KDM4C: variants seen among roughly 807,000 people sequenced by gnomAD.
KDM4C encodes lysine demethylase 4C.
KDM4C carries 81 observed loss-of-function variants against 129.3 expected under a neutral mutation model. The ratio of observed to expected loss-of-function variants is 0.63; its 90% CI spans 0.52 to 0.75. The LOEUF (loss-of-function observed/expected upper bound fraction) is 0.75. Among genes scored for constraint, KDM4C ranks in the 30% least tolerant of loss-of-function variants. KDM4C has a pLI of 0.00. For synonymous variants in KDM4C, 573 were observed against 456.1 expected, an observed-to-expected ratio of 1.26 and a Z score of -3.26; for missense variants, 1,457 against 1,304.0, an observed-to-expected ratio of 1.12 and a Z score of -1.81.
chr9:7,088,574 A>G (rs980217022), intron 17 of KDM4C, among the ~76,000 whole-genome samples: 1 of 152,158 alleles, frequency 6.6e-6, no homozygotes, highest in Non-Finnish European at 1.5e-5. Flanking sequence ...CCTTCAACAT[A>G]TGAGGGGTGG....
intron 8 of KDM4C, among the ~76,000 whole-genome samples, chr9:6,955,949 C>A (rs1828989617): frequency 6.6e-6 from 1 of 152,204 alleles, no homozygotes; most frequent in Non-Finnish European, 1.5e-5. Flanking sequence ...TACAACAGAA[C>A]TGTGCCACCT....
chr9:6,803,626 A>C (rs1176288752), intron 2 of KDM4C, among the ~76,000 whole-genome samples: 1 of 151,682 alleles, frequency 6.6e-6, no homozygotes, highest in Admixed American at 6.6e-5. Context: ...AAAGGTGGTA[A>C]AGTGGCCAGG....
intron 2 of KDM4C, among the ~76,000 whole-genome samples, chr9:6,803,807 T>C (rs1214512032): frequency 6.6e-6 from 1 of 151,310 alleles, no homozygotes; most frequent in Non-Finnish European, 1.5e-5. Context: ...CTTCATGACG[T>C]TGTACGTTCT....
intron 8 of KDM4C, among the ~76,000 whole-genome samples, chr9:6,911,220 GATGAGGGAAAAAAACCTCCA>G (rs1195291840): frequency 1.3e-5 from 2 of 152,034 alleles, no homozygotes; most frequent in African/African-American, 4.8e-5. Context: ...TCACTTAGAG[GATGAGGGAAAAAAACCTCCA>G]ACTTTTAATA....
chr9:6,752,718 T>G (rs148278315), upstream of KDM4C, among the ~76,000 whole-genome samples: 74 of 152,316 alleles, frequency 4.9e-4, 1 homozygote, highest in East Asian at 0.011. Flanking sequence ...CCAGGGATTG[T>G]TAAAGCAACT....
intron 3 of KDM4C, among the ~76,000 whole-genome samples, chr9:6,811,053 A>G (rs962887664): frequency 5.3e-5 from 8 of 152,214 alleles, no homozygotes; most frequent in South Asian, 2.1e-4. Flanking sequence ...TCAAGAACCA[A>G]TGCTCTTACT....
At chr9:6,750,387 C>T (rs983980174) in intron 1 of KDM4C, among the ~76,000 whole-genome samples, 36 of 150,536 alleles carry the variant, frequency 2.4e-4, no homozygotes, top group African/African-American at 8.1e-4. Flanking sequence ...TGCTGTGAGC[C>T]GAGATCGTGT....
chr9:6,994,511 G>A (rs577630692), intron 12 of KDM4C, among the ~76,000 whole-genome samples: 17 of 152,124 alleles, frequency 1.1e-4, no homozygotes, highest in South Asian at 6.2e-4. Flanking sequence ...TTGTCTGTCC[G>A]TGTATCTGTC....
intron 1 of KDM4C, among the ~76,000 whole-genome samples, chr9:6,784,463 C>T (rs879711733): frequency 6.6e-6 from 1 of 152,182 alleles, no homozygotes; most frequent in Non-Finnish European, 1.5e-5. Flanking sequence ...AACTCCTGAC[C>T]TCCAGTGGTC....
At chr9:6,834,933 C>A (rs1254037398) in intron 4 of KDM4C, 1 of 1,129,098 alleles carries the variant, frequency 8.9e-7, no homozygotes, top group African/African-American at 1.5e-5. Flanking sequence ...GACGGGGTCA[C>A]CCACAGTGTG....
chr9:6,873,885 T>A (rs1843145544), intron 5 of KDM4C, among the ~76,000 whole-genome samples: 1 of 151,876 alleles, frequency 6.6e-6, no homozygotes, highest in Non-Finnish European at 1.5e-5. Context: ...GCTCTTCTTT[T>A]TCTTGAACAC....
intron 8 of KDM4C, among the ~76,000 whole-genome samples, chr9:6,966,197 T>G (rs1830931187): frequency 6.6e-6 from 1 of 152,204 alleles, no homozygotes; most frequent in African/African-American, 2.4e-5. Context: ...ATACTTTTTT[T>G]TTTTAGACGG....
chr9:6,909,109 T>A (rs536991750), intron 8 of KDM4C, among the ~76,000 whole-genome samples: 2 of 152,320 alleles, frequency 1.3e-5, no homozygotes, highest in South Asian at 4.1e-4. Flanking sequence ...AAAACAAATA[T>A]GTGAAACATA....
chr9:7,155,120 A>G (rs934610011), intron 19 of KDM4C, among the ~76,000 whole-genome samples: 16 of 152,198 alleles, frequency 1.1e-4, no homozygotes, highest in Admixed American at 7.2e-4. Flanking sequence ...CCCAAGTCAG[A>G]GAGAGCTTTG....
At chr9:6,834,869 G>C in intron 4 of KDM4C, 3 of 1,325,330 alleles carry the variant, frequency 2.3e-6, no homozygotes, top group Non-Finnish European at 3.3e-6. Flanking sequence ...CATCCAGCCC[G>C]TGCTGTCCCT....
intron 17 of KDM4C, among the ~76,000 whole-genome samples, chr9:7,081,766 A>AAGC (rs1334492996): frequency 6.6e-6 from 1 of 152,194 alleles, no homozygotes; most frequent in East Asian, 1.9e-4. Flanking sequence ...ACTATTTGCA[A>AAGC]AGCATGTGTC....
At chr9:7,041,366 G>C (rs1828574455) in intron 15 of KDM4C, among the ~76,000 whole-genome samples, 2 of 151,974 alleles carry the variant, frequency 1.3e-5, no homozygotes, top group Admixed American at 6.6e-5. Flanking sequence ...AGCATCTCTG[G>C]ATTTTGGTAT....
At chr9:7,032,353 G>T (rs1826919375) in intron 15 of KDM4C, among the ~76,000 whole-genome samples, 1 of 152,096 alleles carries the variant, frequency 6.6e-6, no homozygotes, top group African/African-American at 2.4e-5. Context: ...TTTTATTCCA[G>T]AACACAACCT....
intron 8 of KDM4C, 97 bp downstream of exon 8, chr9:6,893,329 C>T: frequency 1.0e-6 from 1 of 953,864 alleles, no homozygotes; most frequent in Non-Finnish European, 1.5e-6. Flanking sequence ...TTTATTCTTC[C>T]TCACTGGCGC....
Sources: allele counts gnomAD v4.1 joint callset (sites outside exome capture counted in the v4.1 genomes callset), GRCh38; gene constraint gnomAD v4.1.1; transcripts MANE v1.5; gene names NCBI Gene and HGNC (gene_info 2026-07-23, HGNC 2026-07-21).